Variants in ZNF320 observed in about 807,000 individuals in gnomAD.
The protein encoded by ZNF320 is zinc finger protein 320, also known as zinc finger gene 320.
ZNF320 carries 2 observed loss-of-function variants against 6.8 expected under a neutral mutation model. That is an observed-to-expected ratio of 0.29 (90% CI 0.12 to 0.93). The LOEUF is 0.93. ZNF320 is among the 40% of genes least tolerant of loss of function. ZNF320 has a pLI of 0.55. For synonymous variants in ZNF320, 208 were observed against 203.2 expected (o/e 1.02, Z -0.20); for missense variants, 472 against 611.0 (o/e 0.77, Z 2.40).
At chr19:52,901,816 A>G (rs1001675264), upstream of ZNF320, among the ~76,000 whole-genome samples, 1 of 152,208 alleles carries the variant, frequency 6.6e-6, no homozygotes, top group Non-Finnish European at 1.5e-5. Flanking sequence ...GCCCTTGGAC[A>G]TGGGGGCCAG....
chr19:52,869,432 T>C (rs2147780298), intron 5 of ZNF320, among the ~76,000 whole-genome samples: 1 of 152,296 alleles, frequency 6.6e-6, no homozygotes, highest in South Asian at 2.1e-4. Flanking sequence ...AGACCATGGA[T>C]GTGAAGAATT....
chr19:52,887,166 T>C (rs557446781), intron 5 of ZNF320, among the ~76,000 whole-genome samples: 10 of 152,256 alleles, frequency 6.6e-5, no homozygotes, highest in African/African-American at 2.4e-4. Context: ...CCACACACTA[T>C]TTGAAGGTGG....
At chr19:52,903,704 G>T in the ZNF320 span, among the ~76,000 whole-genome samples, 2 of 149,712 alleles carry the variant, frequency 1.3e-5, no homozygotes, top group Non-Finnish European at 3.0e-5. Context: ...CCTGAACTAT[G>T]TTTTTTTTTT....
In ZNF320 at chr19:52,878,922, G is replaced by T. The variant is rs1335194918; in HGVS notation, c.*1674C>A. On this transcript the variant is annotated 3_prime_UTR_variant, in exon 6 of 6. Coordinates refer to ENST00000682928, the MANE Select transcript of ZNF320 (RefSeq NM_001351774.2). ...GCTGGTCTTGAGTACCGGGGCCCAC[G>T]TGACCCAACTGTCTCAGCCTCTGAA... 1.3e-5 allele frequency: 2 copies of T among 152,166 alleles called. No individual in the cohort carries two copies. The highest frequency in any genetic ancestry group is 2.9e-5 in the Non-Finnish European group (2 of 68,036). 9.4% of individuals were successfully genotyped at this position (152,166 alleles called of 1,614,324 possible).
Position 52,881,630 on chromosome 19 carries a change from A to G in ZNF320, c.496T>C (p.Cys166Arg). 1 of 1,614,052 alleles carries G rather than the reference A, an allele frequency of 6.2e-7. No homozygotes were observed. Among genetic ancestry groups the G allele is most frequent in the Non-Finnish European group, 8.5e-7 (1 of 1,179,950 alleles). ...TGEKPYKCEE[C>R]EKVFSCKSHL... ...GATTTGCAACTGAAAACTTTCTCAC[A>G]TTCTTCACATTTGTAAGGTTTCTCT... The change falls in exon 6 of 6, where the codon TGT becomes CGT. Residue 166 changes from cysteine (C) to arginine (R), a missense_variant. Transcript: ENST00000682928.
At chr19:52,871,604 C>T (rs775605628), downstream of ZNF320, among the ~76,000 whole-genome samples, 1 of 152,086 alleles carries the variant, frequency 6.6e-6, no homozygotes, top group Non-Finnish European at 1.5e-5. Flanking sequence ...GGCATCAATC[C>T]CAAACATGTA....
At chr19:52,899,168 A>G (rs1160908620), upstream of ZNF320, among the ~76,000 whole-genome samples, 1 of 152,232 alleles carries the variant, frequency 6.6e-6, no homozygotes, top group African/African-American at 2.4e-5. Flanking sequence ...GAAGAGGTAC[A>G]GGTAGCAAAC....
intron 5 of ZNF320, among the ~76,000 whole-genome samples, chr19:52,886,293 C>G (rs2064075935): frequency 1.3e-5 from 2 of 152,058 alleles, no homozygotes; most frequent in Non-Finnish European, 2.9e-5. Context: ...CACCACTGTG[C>G]CTGGCTAATT....
intron 5 of ZNF320, among the ~76,000 whole-genome samples, chr19:52,887,834 A>C (rs906938352): frequency 3.3e-5 from 5 of 151,998 alleles, no homozygotes; most frequent in Non-Finnish European, 7.4e-5. Context: ...TGATCCACAC[A>C]CCTCAGTCTC....
chr19:52,903,916 C>T, the ZNF320 span, among the ~76,000 whole-genome samples: 1 of 152,112 alleles, frequency 6.6e-6, no homozygotes, highest in Non-Finnish European at 1.5e-5. Context: ...AACAAAAGTG[C>T]CAATGCAGGC....
chr19:52,866,014 T>TATATG (rs573057257), intron 5 of ZNF320, among the ~76,000 whole-genome samples: 1 of 103,178 alleles, frequency 9.7e-6, no homozygotes, highest in African/African-American at 3.9e-5. Context: ...TATATTTATA[T>TATATG]ATTATACATA....
At position 52,878,478 on chromosome 19, in the gene ZNF320, T is replaced by G. The variant is rs1163921211; in HGVS notation, c.*2118A>C. ...GTTAGCCAGGATTTTCTCGATCTCCTGACCTCGTGATGCTCTTGCCTCGGC... is the reference window on the plus strand; with the variant it reads ...GTTAGCCAGGATTTTCTCGATCTCCGGACCTCGTGATGCTCTTGCCTCGGC... On this transcript the variant is annotated 3_prime_UTR_variant, in exon 6 of 6. Transcript: ENST00000682928. The G allele has an allele frequency of 6.6e-6, 1 of 152,258 alleles. No homozygotes were observed. The highest frequency in any genetic ancestry group is 1.5e-5 in the Non-Finnish European group (1 of 68,156). 9.4% of individuals were successfully genotyped at this position (152,258 alleles called of 1,614,324 possible).
upstream of ZNF320, among the ~76,000 whole-genome samples, chr19:52,899,642 T>G (rs948729413): frequency 1.3e-5 from 2 of 152,098 alleles, no homozygotes; most frequent in African/African-American, 4.8e-5. Context: ...TTTGTATTTT[T>G]AGTAGAGACG....
chr19:52,892,482 G>T (rs2064326206), intron 2 of ZNF320, among the ~76,000 whole-genome samples: 1 of 151,958 alleles, frequency 6.6e-6, no homozygotes, highest in African/African-American at 2.4e-5. Flanking sequence ...CAGATACAGT[G>T]GCTCATGCCT....
At chr19:52,868,685 C>T (rs1026854492) in intron 5 of ZNF320, among the ~76,000 whole-genome samples, 1 of 151,988 alleles carries the variant, frequency 6.6e-6, no homozygotes, top group Non-Finnish European at 1.5e-5. Context: ...AATAGTCCAC[C>T]AAGAAAGTAC....
chr19:52,894,684 C>A (rs1329415920), intron 1 of ZNF320, among the ~76,000 whole-genome samples: 1 of 151,700 alleles, frequency 6.6e-6, no homozygotes, highest in Non-Finnish European at 1.5e-5. Flanking sequence ...CCATCCTGGT[C>A]CACATGGTAA....
chr19:52,863,407 G>A (rs1022444647), exon 6 of ZNF320, among the ~76,000 whole-genome samples: 2 of 151,840 alleles, frequency 1.3e-5, no homozygotes, highest in African/African-American at 2.4e-5. Context: ...GACCATTGTG[G>A]CCAACATGGT....
At chr19:52,903,266 C>T in the ZNF320 span, among the ~76,000 whole-genome samples, 1 of 152,158 alleles carries the variant, frequency 6.6e-6, no homozygotes, top group African/African-American at 2.4e-5. Context: ...TGTTGAAAAC[C>T]TTGTAAGTTT....
At position 52,863,110 on chromosome 19, in the gene ZNF320, C is replaced by A. The variant is rs923046629; in HGVS notation, c.*919G>T. Among the ~76,000 whole-genome samples, 3 of 152,114 alleles carry A rather than the reference C, an allele frequency of 2.0e-5. No individual in the cohort carries two copies. In the South Asian group the frequency reaches 6.2e-4, roughly 32 times the overall value. Reference sequence around the variant, plus strand: ...GAGTAGCTGGGACTGCAGGTGCACACCACCATGCCTGGCTAAGTTTTGTAT... The same window carrying A: ...GAGTAGCTGGGACTGCAGGTGCACAACACCATGCCTGGCTAAGTTTTGTAT... On this transcript the variant is annotated 3_prime_UTR_variant, in exon 6 of 6. Transcript: ENST00000673631.
Sources: gnomAD v4.1 joint callset for allele counts (sites outside exome capture counted in the v4.1 genomes callset) on GRCh38, gnomAD v4.1.1 for gene constraint, MANE v1.5 for transcripts, NCBI Gene and HGNC (gene_info 2026-07-23, HGNC 2026-07-21) for gene names.